Variants in PRUNE2 observed in about 807,000 individuals in gnomAD.
PRUNE2 encodes the protein protein prune homolog 2.
In PRUNE2, 164 loss-of-function variants were observed where a neutral mutation model predicts 252.0. That is an observed-to-expected ratio of 0.65 (90% CI 0.57 to 0.74). PRUNE2 has a LOEUF of 0.74. Among genes scored for constraint, PRUNE2 ranks in the 30% least tolerant of loss-of-function variants. The pLI is 0.00. For synonymous variants in PRUNE2, 1,292 were observed against 1,350.2 expected (o/e 0.96, Z 0.94); for missense variants, 3,495 against 3,711.0 (o/e 0.94, Z 1.51).
chr9:76,806,428 T>G (rs2056935935), intron 6 of PRUNE2, among the ~76,000 whole-genome samples: 1 of 152,168 alleles, frequency 6.6e-6, no homozygotes, highest in African/African-American at 2.4e-5. Context: ...TCTGTAAACA[T>G]TTTGGGGATA....
chr9:76,798,229 TG>T (rs2056273312), intron 6 of PRUNE2, among the ~76,000 whole-genome samples: 1 of 152,238 alleles, frequency 6.6e-6, no homozygotes, highest in South Asian at 2.1e-4. Context: ...GGGCCACCAA[TG>T]TTTAGAATGT....
At chr9:76,746,567 C>T (rs796129545) in intron 6 of PRUNE2, among the ~76,000 whole-genome samples, 41 of 151,336 alleles carry the variant, frequency 2.7e-4, no homozygotes, top group African/African-American at 9.2e-4. Flanking sequence ...TAGCCGGGCG[C>T]GGTGGCGGGC....
intron 15 of PRUNE2, among the ~76,000 whole-genome samples, chr9:76,634,852 C>A (rs1839292747): frequency 6.6e-6 from 1 of 152,158 alleles, no homozygotes; most frequent in Non-Finnish European, 1.5e-5. Flanking sequence ...TAATGTTTAC[C>A]TTTCTACCCA....
chr9:76,845,138 T>A (rs2059607978), intron 4 of PRUNE2, among the ~76,000 whole-genome samples: 1 of 152,104 alleles, frequency 6.6e-6, no homozygotes, highest in Admixed American at 6.6e-5. Context: ...TCCTTCTAAT[T>A]CCCTAAATCT....
chr9:76,655,540 T>C (rs765817557), intron 9 of PRUNE2, 38 bp from the exon 10 acceptor site: 5 of 1,422,276 alleles, frequency 3.5e-6, no homozygotes, highest in Admixed American at 3.5e-5. Flanking sequence ...CAACAACAAC[T>C]GTGTAAGACT....
Position 76,703,333 on chromosome 9 carries a change from T to C in PRUNE2, c.8276+4A>G. 1 of 1,558,382 alleles carries C rather than the reference T, an allele frequency of 6.4e-7. No individual in the cohort carries two copies. Among genetic ancestry groups the C allele is most frequent in the Non-Finnish European group, 8.7e-7 (1 of 1,155,304 alleles). ...AAAAAAAATAAATCTAGCTTTTTGC[T>C]TACCCATTTGGTCTTGATATCCTGG... On this transcript the variant is annotated splice_donor_region_variant and intron_variant, in intron 9 of 18. Transcript: ENST00000376718.
chr9:76,625,981 G>C (rs1834540039), intron 16 of PRUNE2, among the ~76,000 whole-genome samples: 1 of 152,054 alleles, frequency 6.6e-6, no homozygotes, highest in Non-Finnish European at 1.5e-5. Flanking sequence ...GATAAGCTTT[G>C]TTTATGCACA....
At chr9:76,655,233 T>A (rs772919241) in intron 10 of PRUNE2, among the ~76,000 whole-genome samples, 190 bp downstream of exon 10, 4 of 152,182 alleles carry the variant, frequency 2.6e-5, no homozygotes, top group Non-Finnish European at 4.4e-5. Flanking sequence ...CTAGCGAGCA[T>A]CAGTATTCAA....
intron 1 of PRUNE2, among the ~76,000 whole-genome samples, chr9:76,871,603 T>G (rs1018799121): frequency 6.6e-6 from 1 of 152,210 alleles, no homozygotes; most frequent in African/African-American, 2.4e-5. Context: ...GTGGTCAATC[T>G]TGATTATCTT....
intron 18 of PRUNE2, among the ~76,000 whole-genome samples, chr9:76,617,513 GA>G (rs112685953): frequency 0.15 from 21,753 of 141,600 alleles, 1,817 homozygotes; most frequent in East Asian, 0.28. Flanking sequence ...CTGGAAGTCA[GA>G]AAAAAAAAAA....
intron 6 of PRUNE2, among the ~76,000 whole-genome samples, chr9:76,772,448 G>A (rs1036774463): frequency 6.6e-6 from 1 of 152,154 alleles, no homozygotes; most frequent in African/African-American, 2.4e-5. Flanking sequence ...TCTGGGAACT[G>A]TCTGTCTCCA....
At chr9:76,818,911 C>T (rs908669151) in intron 6 of PRUNE2, among the ~76,000 whole-genome samples, 1 of 152,142 alleles carries the variant, frequency 6.6e-6, no homozygotes, top group Non-Finnish European at 1.5e-5. Flanking sequence ...CTCTCAGCAC[C>T]TCAAAATGTG....
At chr9:76,682,639 G>A (rs1406894123) in intron 9 of PRUNE2, among the ~76,000 whole-genome samples, 1 of 152,048 alleles carries the variant, frequency 6.6e-6, no homozygotes, top group Admixed American at 6.5e-5. Flanking sequence ...AAAGTGCTGG[G>A]ATTATGGGCG....
intron 6 of PRUNE2, chr9:76,819,499 C>T (rs2057908607): frequency 6.6e-6 from 1 of 152,160 alleles, no homozygotes; most frequent in East Asian, 1.9e-4. Context: ...CTTATCCTAC[C>T]AACGCCTTGA....
At position 76,705,957 on chromosome 9, in the gene PRUNE2, T is replaced by C. The variant is rs1265268702; in HGVS notation, c.6317A>G (p.Asp2106Gly). ...DSNSQASDSP[D>G]ICHDSEAKQE... ...CTTTGCTTCAGAATCGTGACATATA[T>C]CAGGGCTGTCGGAAGCCTGAGAATT... Residue 2106 changes from aspartate (D) to glycine (G), a missense_variant, in exon 8 of 19, where the codon GAT becomes GGT. Asp to Gly is a moderately conservative substitution (Grantham distance 94). Coordinates refer to ENST00000376718, the MANE Select transcript of PRUNE2 (RefSeq NM_015225.3). 3 of 1,613,856 alleles carry C rather than the reference T, an allele frequency of 1.9e-6. No homozygotes were observed.
rs66816205 is a variant in PRUNE2, at chr9:76,723,810, C to CTT, written c.757-10091_757-10090dup. Among the ~76,000 whole-genome samples, 355 of 138,652 alleles carry CTT rather than the reference C, an allele frequency of 2.6e-3. 3 individuals are homozygous for CTT. Among genetic ancestry groups the CTT allele is most frequent in the East Asian group, 8.4e-3 (39 of 4,632 alleles). 91.0% of individuals were successfully genotyped at this position (138,652 alleles called of 152,430 possible). ...TATTACCTCCTATAAGCATATCTTT[C>CTT]TTTTTTTTTTTTTTTGAGATGGAGT... On this transcript the variant is annotated intron_variant, in intron 6 of 18. Coordinates refer to ENST00000376718, the MANE Select transcript of PRUNE2 (RefSeq NM_015225.3).
At chr9:76,761,818 T>C (rs2051758209) in intron 6 of PRUNE2, among the ~76,000 whole-genome samples, 1 of 152,242 alleles carries the variant, frequency 6.6e-6, no homozygotes, top group Admixed American at 6.5e-5. Context: ...TCAATCTATC[T>C]TATGTAGATT....
In PRUNE2 at chr9:76,710,340, C is replaced by T. The variant is rs1396359400; in HGVS notation, c.1934G>A (p.Gly645Glu). 18 of 1,613,872 alleles carry T rather than the reference C, an allele frequency of 1.1e-5. No individual in the cohort carries two copies. Among genetic ancestry groups the T allele is most frequent in the Non-Finnish European group, 1.4e-5 (17 of 1,179,894 alleles). Reference protein sequence around the residue: ...TQKATDTGHMGPPQTHARCSS... With the variant: ...TQKATDTGHMEPPQTHARCSS... ...GCACCGTGCATGGGTCTGAGGTGGCCCCATGTGACCTGTGTCAGTTGCTTT... is the reference window on the plus strand; with the variant it reads ...GCACCGTGCATGGGTCTGAGGTGGCTCCATGTGACCTGTGTCAGTTGCTTT... The change falls in exon 8 of 19, where the codon GGG becomes GAG. Residue 645 changes from glycine (G) to glutamate (E), a missense_variant. Physicochemically the swap from Gly to Glu is moderately conservative, Grantham distance 98. Coordinates refer to ENST00000376718, the MANE Select transcript of PRUNE2 (RefSeq NM_015225.3).
At chr9:76,760,451 T>C (rs1338332875) in intron 6 of PRUNE2, among the ~76,000 whole-genome samples, 1 of 152,192 alleles carries the variant, frequency 6.6e-6, no homozygotes, top group East Asian at 1.9e-4. Context: ...TTCTCTAATC[T>C]ACTTTTTCCC....
Sources: allele counts gnomAD v4.1 joint callset (sites outside exome capture counted in the v4.1 genomes callset), GRCh38; gene constraint gnomAD v4.1.1; transcripts MANE v1.5; gene names NCBI Gene and HGNC (gene_info 2026-07-23, HGNC 2026-07-21).